The following PHLPP1 variants were observed in gnomAD, a reference collection of about 807,000 sequenced individuals.
PHLPP1 encodes PH domain leucine-rich repeat-containing protein phosphatase 1.
Under a neutral mutation model 117.2 loss-of-function variants are expected in PHLPP1, and 42 were observed. That is an observed-to-expected ratio of 0.36 (90% CI 0.28 to 0.46). PHLPP1 has a LOEUF of 0.46. Among genes scored for constraint, PHLPP1 ranks in the 20% least tolerant of loss-of-function variants. The pLI, the probability that PHLPP1 is intolerant of heterozygous loss-of-function variation, is 1.00. For synonymous variants in PHLPP1, 1,042 were observed against 970.7 expected, an observed-to-expected ratio of 1.07 and a Z score of -1.37; for missense variants, 2,084 against 2,241.9, an observed-to-expected ratio of 0.93 and a Z score of 1.42.
chr18:62,765,279 T>C (rs1050965593), intron 1 of PHLPP1, among the ~76,000 whole-genome samples: 5 of 152,210 alleles, frequency 3.3e-5, no homozygotes, highest in African/African-American at 1.2e-4. Flanking sequence ...GGTCATTCTC[T>C]TTTTCTGTCT....
chr18:62,881,643 C>A (rs1916177193), intron 4 of PHLPP1, among the ~76,000 whole-genome samples: 1 of 152,166 alleles, frequency 6.6e-6, no homozygotes, highest in Non-Finnish European at 1.5e-5. Context: ...AAGCTGGTTG[C>A]ATGCCACATT....
intron 1 of PHLPP1, among the ~76,000 whole-genome samples, chr18:62,770,425 G>A (rs540755954): frequency 1.3e-5 from 2 of 152,268 alleles, no homozygotes; most frequent in South Asian, 4.1e-4. Context: ...TGGTTAACAT[G>A]TGTCAACTTG....
intron 14 of PHLPP1, among the ~76,000 whole-genome samples, chr18:62,971,493 G>C (rs908155642): frequency 2.6e-5 from 4 of 151,048 alleles, no homozygotes; most frequent in African/African-American, 9.8e-5. Context: ...TTCCACATTT[G>C]CCGGGAACCA....
At chr18:62,896,062 A>C (rs1916555504) in intron 6 of PHLPP1, 51 bp downstream of exon 6, 11 of 1,109,652 alleles carry the variant, frequency 9.9e-6, no homozygotes, top group Non-Finnish European at 1.5e-5. Flanking sequence ...CTTATATTGC[A>C]GGGGTGGGGA....
At chr18:62,892,895 T>C (rs1223451912) in intron 4 of PHLPP1, among the ~76,000 whole-genome samples, 5 of 149,090 alleles carry the variant, frequency 3.4e-5, no homozygotes, top group Non-Finnish European at 1.5e-5. Context: ...AAAAAAAAAG[T>C]TTGACCATGT....
chr18:62,742,891 A>G (rs560946753), intron 1 of PHLPP1, among the ~76,000 whole-genome samples: 3 of 152,302 alleles, frequency 2.0e-5, no homozygotes, highest in South Asian at 2.1e-4. Context: ...CTCACCCCCA[A>G]TGATAATAAA....
chr18:62,777,488 ATTC>A (rs1206652871), intron 1 of PHLPP1, among the ~76,000 whole-genome samples: 7 of 149,594 alleles, frequency 4.7e-5, no homozygotes, highest in African/African-American at 1.7e-4. Context: ...GGTTTCTTAT[ATTC>A]TTATTTATAT....
At chr18:62,870,779 A>G (rs564786752) in intron 4 of PHLPP1, among the ~76,000 whole-genome samples, 10 of 152,360 alleles carry the variant, frequency 6.6e-5, no homozygotes, top group African/African-American at 2.4e-4. Flanking sequence ...TATTTGCACC[A>G]ACATTCTAAA....
At position 62,978,525 on chromosome 18, in the gene PHLPP1, C is replaced by T. The variant is rs369646451; in HGVS notation, c.4248C>T (p.Ser1416=). Residue 1416 remains serine, a synonymous_variant, in exon 17 of 17, where the codon AGC becomes AGT. Transcript: ENST00000262719. This position sits in a 1 kb window ranked among gnomAD's most constrained non-coding sequence, Gnocchi z 7.0. ...AQSYGCHDSI[S]AVVVQLSVTE... is the part of the protein sequence containing the mutation. ...GCTACGGCTGCCACGACAGCATCAG[C>T]GCTGTGGTGGTGCAGCTCAGTGTCA... is the stretch of plus-strand genomic sequence containing the variant. The T allele has an allele frequency of 2.9e-5, 46 of 1,610,412 alleles. No homozygotes were observed. The highest frequency in any genetic ancestry group is 2.3e-4 in the South Asian group (21 of 90,524).
chr18:62,779,768 T>C (rs1321181102), intron 1 of PHLPP1, among the ~76,000 whole-genome samples: 1 of 152,218 alleles, frequency 6.6e-6, no homozygotes, highest in East Asian at 1.9e-4. Context: ...AGCTAAATAA[T>C]ACTCTTCTTT....
intron 8 of PHLPP1, among the ~76,000 whole-genome samples, chr18:62,913,720 AG>A (rs1917020117): frequency 6.8e-6 from 1 of 146,582 alleles, no homozygotes; most frequent in Non-Finnish European, 1.5e-5. Context: ...AGACACCATT[AG>A]TTTAGTTCTC....
At chr18:62,813,289 A>G (rs1389318303) in intron 1 of PHLPP1, among the ~76,000 whole-genome samples, 1 of 152,242 alleles carries the variant, frequency 6.6e-6, no homozygotes, top group African/African-American at 2.4e-5. Flanking sequence ...CCAAACATAC[A>G]CATCCCAAAA....
intron 1 of PHLPP1, among the ~76,000 whole-genome samples, chr18:62,804,429 G>T (rs1319139739): frequency 6.6e-6 from 1 of 151,792 alleles, no homozygotes; most frequent in Non-Finnish European, 1.5e-5. Flanking sequence ...AAACTAATTT[G>T]GGCCTGGCAC....
At chr18:62,872,017 G>A (rs1568145203) in intron 4 of PHLPP1, among the ~76,000 whole-genome samples, 1 of 152,126 alleles carries the variant, frequency 6.6e-6, no homozygotes, top group Non-Finnish European at 1.5e-5. Flanking sequence ...AGGACCTAGA[G>A]TTTGTAAATA....
At chr18:62,886,268 C>T (rs1916287018) in intron 4 of PHLPP1, among the ~76,000 whole-genome samples, 1 of 152,112 alleles carries the variant, frequency 6.6e-6, no homozygotes, top group Non-Finnish European at 1.5e-5. Context: ...AACAGTCATG[C>T]ACATTGTTTG....
intron 3 of PHLPP1, among the ~76,000 whole-genome samples, chr18:62,842,460 T>A (rs961064390): frequency 3.3e-5 from 5 of 151,538 alleles, no homozygotes; most frequent in African/African-American, 1.2e-4. Flanking sequence ...ATCTCCCGGG[T>A]TCAAGCAATT....
Position 62,802,704 on chromosome 18 carries a change from A to G in PHLPP1, c.1577-27331A>G, listed in dbSNP as rs529029967. Among the ~76,000 whole-genome samples, 10 of 152,284 alleles carry G rather than the reference A, an allele frequency of 6.6e-5. No individual in the cohort carries two copies. The South Asian group carries it at 1.0e-3, about 16-fold the overall frequency. ...TTTTCATCCATTTTTCTACTGTGTGAAAACACCGAGAATGTATAAATGGAT... is the reference window on the plus strand; with the variant it reads ...TTTTCATCCATTTTTCTACTGTGTGGAAACACCGAGAATGTATAAATGGAT... On this transcript the variant is annotated intron_variant, in intron 1 of 16. Transcript: ENST00000262719.
chr18:62,916,707 T>A (rs185742933), intron 9 of PHLPP1, among the ~76,000 whole-genome samples: 5 of 150,608 alleles, frequency 3.3e-5, no homozygotes, highest in South Asian at 2.1e-4. Flanking sequence ...TGAAAAAAAT[T>A]TTTTACCTTA....
chr18:62,719,423 T>A (rs1910851397), intron 1 of PHLPP1, among the ~76,000 whole-genome samples: 2 of 152,204 alleles, frequency 1.3e-5, no homozygotes, highest in Admixed American at 1.3e-4. Flanking sequence ...GAAGTTCAGT[T>A]ATTGATGAAC....
Sources: allele counts gnomAD v4.1 joint callset (sites outside exome capture counted in the v4.1 genomes callset), GRCh38; gene constraint gnomAD v4.1.1; non-coding constraint Gnocchi (gnomAD v3.1); transcripts MANE v1.5; gene names NCBI Gene and HGNC (gene_info 2026-07-23, HGNC 2026-07-21).